Variants in ATG5 observed in about 807,000 individuals in gnomAD.
ATG5 encodes autophagy related 5.
Under a neutral mutation model 36.5 loss-of-function variants are expected in ATG5, and 14 were observed. The observed-to-expected ratio is 0.38, with a 90% confidence interval of 0.25 to 0.60. ATG5 has a LOEUF of 0.60. Among genes scored for constraint, ATG5 ranks in the 20% least tolerant of loss-of-function variants. The probability of loss-of-function intolerance (pLI) is 0.60; values close to 1 mark genes in which losing one functional copy is unlikely to be tolerated. For missense variants in ATG5, 195 were observed against 326.7 expected (o/e 0.60, Z 3.11); for synonymous variants, 95 against 101.5 (o/e 0.94, Z 0.38).
At chr6:106,288,039 C>T (rs964623132) in intron 4 of ATG5, among the ~76,000 whole-genome samples, 51 of 151,060 alleles carry the variant, frequency 3.4e-4, no homozygotes, top group African/African-American at 9.7e-4. Flanking sequence ...GGCATGGTCT[C>T]GGCTCACTGC....
intron 5 of ATG5, among the ~76,000 whole-genome samples, chr6:106,251,374 C>A (rs1778568864): frequency 6.6e-6 from 1 of 151,942 alleles, no homozygotes; most frequent in African/African-American, 2.4e-5. Context: ...CAAGTTTGGT[C>A]TTCCTCTCTC....
intron 6 of ATG5, among the ~76,000 whole-genome samples, chr6:106,224,353 G>C (rs528536012): frequency 6.6e-6 from 1 of 152,322 alleles, no homozygotes; most frequent in South Asian, 2.1e-4. Context: ...AGCTAAATCA[G>C]TGCAAATGGC....
In ATG5 at chr6:106,320,909, C is replaced by A. The variant is rs182052961; in HGVS notation, c.-59+4617G>T. 9.0e-3 allele frequency among the ~76,000 whole-genome samples: 1,374 copies of A among 152,240 alleles called. 21 individuals carry two copies. Among genetic ancestry groups the A allele is most frequent in the African/African-American group, 0.032 (1,331 of 41,530 alleles). On this transcript the variant is annotated intron_variant, in intron 1 of 7. Coordinates refer to ENST00000369076, the MANE Select transcript of ATG5 (RefSeq NM_004849.4). Reference sequence around the variant, plus strand: ...AGAGAGGCTAGCCAGGTAGTAATTTCAGCAACTAAGGCAAAAAGTAATGAG... The same window carrying A: ...AGAGAGGCTAGCCAGGTAGTAATTTAAGCAACTAAGGCAAAAAGTAATGAG...
chr6:106,218,333 G>C (rs1044154199), intron 6 of ATG5, among the ~76,000 whole-genome samples: 7 of 152,024 alleles, frequency 4.6e-5, no homozygotes, highest in African/African-American at 1.7e-4. Flanking sequence ...TTTATTTAAG[G>C]CTCCAAAAGC....
At chr6:106,279,139 A>G (rs914050033) in intron 5 of ATG5, among the ~76,000 whole-genome samples, 1 of 152,190 alleles carries the variant, frequency 6.6e-6, no homozygotes, top group Non-Finnish European at 1.5e-5. Context: ...AGTTATTTAC[A>G]TTCTCCAAAA....
At chr6:106,264,103 G>T (rs1478656708) in intron 5 of ATG5, among the ~76,000 whole-genome samples, 2 of 152,106 alleles carry the variant, frequency 1.3e-5, no homozygotes, top group Non-Finnish European at 2.9e-5. Context: ...TTGATAAAAG[G>T]TTATAGGAAA....
Position 106,308,498 on chromosome 6 carries a change from T to TG in ATG5, c.109-8dup, listed in dbSNP as rs769204914. The TG allele has an allele frequency of 1.2e-5, 18 of 1,542,746 alleles. No individual in the cohort carries two copies. Among genetic ancestry groups the TG allele is most frequent in the Admixed American group, 8.6e-5 (4 of 46,448 alleles). On this transcript the variant is annotated splice_polypyrimidine_tract_variant and splice_region_variant and intron_variant, in intron 2 of 7. Transcript: ENST00000369076. ...TTACTCTTGGCAAAAGCAACTGAAATGAAAATTTGTAAAACCGTATTTATT... is the reference window on the plus strand; with the variant it reads ...TTACTCTTGGCAAAAGCAACTGAAATGGAAAATTTGTAAAACCGTATTTATT...
intron 1 of ATG5, among the ~76,000 whole-genome samples, chr6:106,316,748 C>G (rs1181410269): frequency 1.3e-5 from 2 of 152,200 alleles, no homozygotes; most frequent in East Asian, 1.9e-4. Context: ...GAAAATATCT[C>G]TTTCACATTG....
At chr6:106,258,513 C>CA (rs975432396) in intron 5 of ATG5, among the ~76,000 whole-genome samples, 11 of 152,080 alleles carry the variant, frequency 7.2e-5, no homozygotes, top group Non-Finnish European at 5.9e-5. Context: ...AAGAATTTAG[C>CA]AATTTAAAAA....
intron 5 of ATG5, among the ~76,000 whole-genome samples, chr6:106,259,001 A>T (rs750439174): frequency 1.6e-5 from 2 of 127,616 alleles, no homozygotes; most frequent in African/African-American, 3.3e-5. Context: ...GCATTGTGAT[A>T]ATCAATTGAA....
At chr6:106,217,611 G>GT (rs1777090484) in intron 6 of ATG5, 7 of 152,160 alleles carry the variant, frequency 4.6e-5, no homozygotes, top group Admixed American at 4.6e-4. Flanking sequence ...CCTGAATGGG[G>GT]AAGAGAAACG....
intron 6 of ATG5, among the ~76,000 whole-genome samples, chr6:106,206,273 G>A (rs965994217): frequency 6.6e-6 from 1 of 151,088 alleles, no homozygotes; most frequent in Non-Finnish European, 1.5e-5. Context: ...GGGGGTGGGG[G>A]CGCAGCAACC....
chr6:106,241,979 T>C (rs943679007), intron 6 of ATG5, among the ~76,000 whole-genome samples: 9 of 152,024 alleles, frequency 5.9e-5, no homozygotes, highest in Admixed American at 5.9e-4. Flanking sequence ...AGAATGCTAA[T>C]ACACCCCTGT....
intron 5 of ATG5, among the ~76,000 whole-genome samples, chr6:106,266,136 T>C (rs1259456372): frequency 2.6e-5 from 4 of 151,512 alleles, no homozygotes; most frequent in Non-Finnish European, 4.4e-5. Context: ...AAGAATCAAA[T>C]AGACACAATA....
At chr6:106,246,277 G>C (rs1778326300) in intron 6 of ATG5, among the ~76,000 whole-genome samples, 1 of 151,908 alleles carries the variant, frequency 6.6e-6, no homozygotes, top group African/African-American at 2.4e-5. Flanking sequence ...CCATCTGGCA[G>C]CCAGGTTTTG....
At chr6:106,269,830 G>A (rs1005400513) in intron 5 of ATG5, among the ~76,000 whole-genome samples, 1 of 152,184 alleles carries the variant, frequency 6.6e-6, no homozygotes, top group African/African-American at 2.4e-5. Context: ...CTCCAGCCTT[G>A]GCCAGCCCAG....
intron 6 of ATG5, 75 bp from the exon 7 acceptor site, chr6:106,202,164 AC>A (rs1450983793): frequency 8.5e-7 from 1 of 1,169,944 alleles, no homozygotes; most frequent in African/African-American, 1.5e-5. Flanking sequence ...TATATCATAA[AC>A]TTTATGTTGG....
At chr6:106,291,158 A>C (rs191914914) in intron 4 of ATG5, among the ~76,000 whole-genome samples, 154 of 152,364 alleles carry the variant, frequency 1.0e-3, no homozygotes, top group Non-Finnish European at 1.7e-3. Context: ...CAAGACAACC[A>C]TATTTGGCAT....
At chr6:106,273,964 T>G (rs1779549416) in intron 5 of ATG5, among the ~76,000 whole-genome samples, 1 of 152,198 alleles carries the variant, frequency 6.6e-6, no homozygotes, top group Non-Finnish European at 1.5e-5. Flanking sequence ...CACTATCAAA[T>G]AATTATTGTC....
Sources: gnomAD v4.1 joint callset for allele counts (sites outside exome capture counted in the v4.1 genomes callset) on GRCh38, gnomAD v4.1.1 for gene constraint, MANE v1.5 for transcripts, NCBI Gene and HGNC (gene_info 2026-07-23, HGNC 2026-07-21) for gene names.